The following PTER variants were observed in gnomAD, a reference collection of about 807,000 sequenced individuals.
PTER encodes phosphotriesterase related, also known as N-acetyltaurine hydrolase.
PTER carries 38 observed loss-of-function variants against 29.6 expected under a neutral mutation model. The ratio of observed to expected loss-of-function variants is 1.28; its 90% CI spans 0.99 to 1.68. PTER has a LOEUF of 1.68. PTER is among the 40% of genes most tolerant of loss of function. The pLI is 0.00. For missense variants in PTER, 482 were observed against 427.8 expected, an observed-to-expected ratio of 1.13 and a Z score of -1.12; for synonymous variants, 172 against 154.5, an observed-to-expected ratio of 1.11 and a Z score of -0.84.
chr10:16,506,752 A>G (rs1346153386), intron 4 of PTER, among the ~76,000 whole-genome samples: 2 of 151,122 alleles, frequency 1.3e-5, no homozygotes, highest in South Asian at 2.1e-4. Context: ...TGAGGTGGAC[A>G]TGGTTATCTC....
intron 3 of PTER, among the ~76,000 whole-genome samples, chr10:16,489,657 A>C (rs1835827365): frequency 6.6e-6 from 1 of 152,132 alleles, no homozygotes; most frequent in African/African-American, 2.4e-5. Context: ...TGTGCATAAC[A>C]TAAAATTTAT....
intron 1 of PTER, among the ~76,000 whole-genome samples, chr10:16,474,743 T>C (rs1391685553): frequency 1.3e-5 from 2 of 151,886 alleles, no homozygotes; most frequent in Non-Finnish European, 2.9e-5. Flanking sequence ...AAAAATTAGC[T>C]GGGCATGGTG....
chr10:16,510,871 C>G (rs1409305233), intron 4 of PTER, among the ~76,000 whole-genome samples, 175 bp from the exon 5 acceptor site: 1 of 152,088 alleles, frequency 6.6e-6, no homozygotes, highest in Non-Finnish European at 1.5e-5. Context: ...TAGGATGCAG[C>G]AATATTTTTA....
At chr10:16,479,352 A>G (rs1835393411) in intron 1 of PTER, among the ~76,000 whole-genome samples, 1 of 152,182 alleles carries the variant, frequency 6.6e-6, no homozygotes. Context: ...CTGAGAGAGT[A>G]GAAGCATGAT....
chr10:16,442,795 C>T (rs978173166), intron 1 of PTER, among the ~76,000 whole-genome samples: 1 of 152,196 alleles, frequency 6.6e-6, no homozygotes, highest in African/African-American at 2.4e-5. Flanking sequence ...GCCTGGCCAA[C>T]ATGGCGAAAC....
At chr10:16,450,782 C>A (rs1834178016) in intron 1 of PTER, among the ~76,000 whole-genome samples, 2 of 152,148 alleles carry the variant, frequency 1.3e-5, no homozygotes, top group South Asian at 2.1e-4. Flanking sequence ...AAGTAGCAAC[C>A]AACCAACTTT....
chr10:16,477,295 G>GATAA lies in PTER; in HGVS notation c.-48-7039_-48-7038insAATA, dbSNP rs1554789937. 9.4e-3 allele frequency among the ~76,000 whole-genome samples: 1,353 copies of GATAA among 143,514 alleles called. 11 individuals carry two copies. Among genetic ancestry groups the GATAA allele is most frequent in the East Asian group, 0.017 (84 of 4,934 alleles). 94.2% of individuals were successfully genotyped at this position (143,514 alleles called of 152,430 possible). On this transcript the variant is annotated intron_variant, in intron 1 of 4. Coordinates refer to ENST00000535784, the MANE Select transcript of PTER (RefSeq NM_001261836.2). The stretch of plus-strand genomic sequence containing the variant: ...AGATAGATAGATAGATAGATAGATA[G>GATAA]ATAGATGGATGTCTGTCTGTCTGCA...
Position 16,513,021 on chromosome 10 carries a change from A to C in PTER, c.*1765A>C, listed in dbSNP as rs1271585330. The C allele has an allele frequency of 6.6e-6, 1 of 152,542 alleles. No homozygotes were observed. The highest frequency in any genetic ancestry group is 1.5e-5 in the Non-Finnish European group (1 of 67,986). 9.4% of individuals were successfully genotyped at this position (152,542 alleles called of 1,614,324 possible). ...CCTGAGAAAAAAGAAAAAAAAATTGATAGCTCAAATGCATGTAATTCATAA... is the reference window on the plus strand; with the variant it reads ...CCTGAGAAAAAAGAAAAAAAAATTGCTAGCTCAAATGCATGTAATTCATAA... On this transcript the variant is annotated 3_prime_UTR_variant, in exon 5 of 5. Coordinates refer to ENST00000535784, the MANE Select transcript of PTER (RefSeq NM_001261836.2).
At chr10:16,446,837 A>G (rs540230136) in intron 1 of PTER, among the ~76,000 whole-genome samples, 2,730 of 151,710 alleles carry the variant, frequency 0.018, 90 homozygotes, top group African/African-American at 0.064. Flanking sequence ...TGACTCGGCG[A>G]GAGTGCATTG....
rs893932614 is a variant in PTER, at chr10:16,483,286, T to A, written c.-48-1051T>A. ...TTCAATAAATCACAATCGCTTTCAT[T>A]ATGGCTAAGAATCTTTGCTTTTCAG... On this transcript the variant is annotated intron_variant, in intron 1 of 4. Coordinates refer to ENST00000535784, the MANE Select transcript of PTER (RefSeq NM_001261836.2). 2.0e-5 allele frequency among the ~76,000 whole-genome samples: 3 copies of A among 152,318 alleles called. No homozygotes were observed. The East Asian group carries it at 5.8e-4, about 29-fold the overall frequency.
intron 1 of PTER, among the ~76,000 whole-genome samples, chr10:16,439,794 C>G (rs1833783586): frequency 6.6e-6 from 1 of 152,132 alleles, no homozygotes. Flanking sequence ...AACTCCTGGG[C>G]TCAAGTGATC....
chr10:16,457,861 G>A (rs917529789), intron 1 of PTER, among the ~76,000 whole-genome samples: 32 of 152,182 alleles, frequency 2.1e-4, no homozygotes, highest in Admixed American at 1.9e-3. Flanking sequence ...TACCTGCCTT[G>A]GCCTCCCAAA....
downstream of PTER, among the ~76,000 whole-genome samples, chr10:16,516,502 T>A (rs998081705): frequency 6.6e-6 from 1 of 152,212 alleles, no homozygotes; most frequent in East Asian, 1.9e-4. Flanking sequence ...ATATTAGTAA[T>A]ACATTAGTTA....
At chr10:16,456,863 G>GA (rs1834417091) in intron 1 of PTER, among the ~76,000 whole-genome samples, 2 of 49,936 alleles carry the variant, frequency 4.0e-5, no homozygotes, top group African/African-American at 2.0e-4. Context: ...TGGGGAAGGT[G>GA]GGGGGGGGTT....
chr10:16,459,967 C>T (rs531057247), intron 1 of PTER, among the ~76,000 whole-genome samples: 293 of 152,192 alleles, frequency 1.9e-3, no homozygotes, highest in Non-Finnish European at 3.4e-3. Context: ...AGGCTGATCT[C>T]GAACTCCCGA....
In PTER at chr10:16,502,744, T is replaced by G. The variant is rs537143618; in HGVS notation, c.699-2276T>G. Among the ~76,000 whole-genome samples, 8 of 152,100 alleles carry G rather than the reference T, an allele frequency of 5.3e-5. No homozygotes were observed. The East Asian group carries it at 1.5e-3, about 29-fold the overall frequency. Reference sequence around the variant, plus strand: ...TGGCTCACACCTGTAATCCCAGGACTTTGGGAGGCTGAAACAGGTGGATCA... The same window carrying G: ...TGGCTCACACCTGTAATCCCAGGACGTTGGGAGGCTGAAACAGGTGGATCA... On this transcript the variant is annotated intron_variant, in intron 3 of 4. Coordinates refer to ENST00000535784, the MANE Select transcript of PTER (RefSeq NM_001261836.2).
At chr10:16,437,266 C>CT (rs1833683478) in intron 1 of PTER, 1 of 152,118 alleles carries the variant, frequency 6.6e-6, no homozygotes, top group Admixed American at 6.5e-5. Context: ...GTGGCGCCAG[C>CT]TCCCTGTGGC....
At chr10:16,438,367 G>A (rs1833728404) in intron 1 of PTER, among the ~76,000 whole-genome samples, 1 of 151,812 alleles carries the variant, frequency 6.6e-6, no homozygotes, top group Non-Finnish European at 1.5e-5. Flanking sequence ...TGCTATCACA[G>A]CTCACTGCAA....
At chr10:16,500,173 C>T (rs188306795) in intron 3 of PTER, among the ~76,000 whole-genome samples, 9 of 152,242 alleles carry the variant, frequency 5.9e-5, no homozygotes, top group Admixed American at 3.9e-4. Context: ...CCAGCTTCCC[C>T]AAAGTCACTC....
Sources: allele counts gnomAD v4.1 joint callset (sites outside exome capture counted in the v4.1 genomes callset), GRCh38; gene constraint gnomAD v4.1.1; transcripts MANE v1.5; gene names NCBI Gene and HGNC (gene_info 2026-07-23, HGNC 2026-07-21).